Variants in RIT2 observed in about 807,000 individuals in gnomAD.
The protein encoded by RIT2 is GTP-binding protein Rit2.
In RIT2, 24 loss-of-function variants were observed where a neutral mutation model predicts 23.7. The observed-to-expected ratio is 1.01, with a 90% CI of 0.73 to 1.43. The LOEUF is 1.43. Among genes scored for constraint, RIT2 ranks in the 40% most tolerant of loss-of-function variants. The pLI is 0.00. For missense variants in RIT2, 236 were observed against 266.9 expected (o/e 0.88, Z 0.81); for synonymous variants, 107 against 91.1 (o/e 1.17, Z -0.99).
chr18:42,758,397 C>T (rs1172516257), intron 4 of RIT2, among the ~76,000 whole-genome samples: 1 of 152,072 alleles, frequency 6.6e-6, no homozygotes, highest in Non-Finnish European at 1.5e-5. Context: ...GCAATTTTTA[C>T]CAACTGCAAT....
intron 1 of RIT2, among the ~76,000 whole-genome samples, chr18:43,058,133 T>C (rs117069337): frequency 6.6e-6 from 1 of 152,176 alleles, no homozygotes; most frequent in East Asian, 1.9e-4. Flanking sequence ...CCATGGTACA[T>C]GGCTTAGAAG....
chr18:42,989,073 G>T (rs953150622), intron 2 of RIT2, among the ~76,000 whole-genome samples: 4 of 152,168 alleles, frequency 2.6e-5, no homozygotes, highest in South Asian at 2.1e-4. Flanking sequence ...GACAGAGAGG[G>T]ACATAATGTG....
intron 4 of RIT2, among the ~76,000 whole-genome samples, chr18:42,782,588 C>T (rs748839038): frequency 2.6e-5 from 4 of 151,868 alleles, no homozygotes; most frequent in Non-Finnish European, 4.4e-5. Context: ...AAGTGTAAGA[C>T]AATTTAGACA....
intron 4 of RIT2, among the ~76,000 whole-genome samples, chr18:42,815,051 C>CA (rs756639786): frequency 2.0e-5 from 3 of 152,188 alleles, no homozygotes; most frequent in Non-Finnish European, 1.5e-5. Flanking sequence ...GTTTCTCTGA[C>CA]ACAGCCTACC....
intron 1 of RIT2, among the ~76,000 whole-genome samples, chr18:43,065,848 A>T (rs1440496356): frequency 6.6e-6 from 1 of 152,168 alleles, no homozygotes; most frequent in African/African-American, 2.4e-5. Context: ...GGTAGGTGGA[A>T]AACTTCAGAT....
intron 1 of RIT2, among the ~76,000 whole-genome samples, chr18:43,091,341 C>A (rs980712230): frequency 3.0e-4 from 45 of 152,056 alleles, no homozygotes; most frequent in Non-Finnish European, 5.1e-4. Context: ...CAGAGACATG[C>A]TTTATTTTTT....
At chr18:42,780,742 A>G (rs1164532576) in intron 4 of RIT2, among the ~76,000 whole-genome samples, 1 of 151,628 alleles carries the variant, frequency 6.6e-6, no homozygotes, top group Non-Finnish European at 1.5e-5. Flanking sequence ...GTCAGTCATG[A>G]CTGAATTCTA....
At chr18:42,887,813 T>C (rs978480612) in intron 4 of RIT2, among the ~76,000 whole-genome samples, 1 of 148,540 alleles carries the variant, frequency 6.7e-6, no homozygotes, top group Admixed American at 6.8e-5. Context: ...TACAATGGAA[T>C]AGTATTCAGC....
chr18:42,874,820 T>C (rs1427639700), intron 4 of RIT2, among the ~76,000 whole-genome samples: 2 of 152,034 alleles, frequency 1.3e-5, no homozygotes, highest in Admixed American at 6.6e-5. Context: ...CAGTTGTCCA[T>C]AGTTGGGGAA....
At chr18:42,952,341 G>A (rs762177389) in intron 3 of RIT2, among the ~76,000 whole-genome samples, 9 of 152,104 alleles carry the variant, frequency 5.9e-5, no homozygotes, top group Admixed American at 2.0e-4. Context: ...AAACTTTATA[G>A]AAGCAGAGGG....
chr18:42,763,259 G>C (rs200626380), intron 4 of RIT2, among the ~76,000 whole-genome samples: 3 of 152,084 alleles, frequency 2.0e-5, no homozygotes, highest in Admixed American at 6.6e-5. Flanking sequence ...TCAAGAGATC[G>C]AGACCATCCT....
intron 3 of RIT2, among the ~76,000 whole-genome samples, chr18:42,930,457 G>A (rs1393081069): frequency 6.6e-6 from 1 of 151,980 alleles, no homozygotes; most frequent in Non-Finnish European, 1.5e-5. Context: ...AAAGTATAGA[G>A]ATATTAAATG....
chr18:42,779,225 T>C (rs901788266), intron 4 of RIT2, among the ~76,000 whole-genome samples: 2 of 152,198 alleles, frequency 1.3e-5, no homozygotes, highest in Admixed American at 1.3e-4. Context: ...CCCTTGTTTT[T>C]TCTCTTCTCC....
intron 4 of RIT2, among the ~76,000 whole-genome samples, chr18:42,906,070 A>C (rs1056828197): frequency 5.6e-4 from 83 of 147,970 alleles, no homozygotes; most frequent in African/African-American, 1.5e-3. Context: ...TTATTTTTCC[A>C]GCAATGTTTT....
At chr18:42,837,149 TTTTC>T (rs1906629673) in intron 4 of RIT2, among the ~76,000 whole-genome samples, 3 of 121,654 alleles carry the variant, frequency 2.5e-5, no homozygotes, top group Admixed American at 1.8e-4. Context: ...TTTTTTTTCT[TTTTC>T]TTTTTTTTTT....
At chr18:43,051,923 C>T (rs1420013906) in intron 1 of RIT2, among the ~76,000 whole-genome samples, 1 of 152,134 alleles carries the variant, frequency 6.6e-6, no homozygotes, top group African/African-American at 2.4e-5. Flanking sequence ...CCCTTTTCCA[C>T]TCCCTATCTC....
At chr18:42,828,317 A>G (rs1368502717) in intron 4 of RIT2, among the ~76,000 whole-genome samples, 1 of 152,234 alleles carries the variant, frequency 6.6e-6, no homozygotes, top group Non-Finnish European at 1.5e-5. Context: ...AATAAACCTC[A>G]TAGTTGAGTA....
chr18:42,786,148 C>T (rs1478882704), intron 4 of RIT2, among the ~76,000 whole-genome samples: 1 of 152,090 alleles, frequency 6.6e-6, no homozygotes, highest in African/African-American at 2.4e-5. Context: ...GGAAAATGGT[C>T]CTAGAGATAT....
At chr18:42,848,199 C>A (rs1333950027) in intron 4 of RIT2, among the ~76,000 whole-genome samples, 3 of 152,110 alleles carry the variant, frequency 2.0e-5, no homozygotes, top group African/African-American at 7.2e-5. Context: ...GCAATTCTCG[C>A]TCCAAAACCC....
Sources: allele counts gnomAD v4.1 joint callset (sites outside exome capture counted in the v4.1 genomes callset), GRCh38; gene constraint gnomAD v4.1.1; transcripts MANE v1.5; gene names NCBI Gene and HGNC (gene_info 2026-07-23, HGNC 2026-07-21).